CMYA5: variants seen among roughly 807,000 people sequenced by gnomAD.
CMYA5 encodes cardiomyopathy-associated protein 5.
A neutral mutation model predicts 318.9 loss-of-function variants in CMYA5; 246 were observed. That is an observed-to-expected ratio of 0.77 (90% CI 0.70 to 0.86). The LOEUF is 0.86. Among genes scored for constraint, CMYA5 ranks in the 40% least tolerant of loss-of-function variants. CMYA5 has a pLI of 0.00. For synonymous variants in CMYA5, 1,641 were observed against 1,729.5 expected (o/e 0.95, Z 1.27); for missense variants, 4,589 against 4,678.2 (o/e 0.98, Z 0.56).
intron 4 of CMYA5, 45 bp downstream of exon 4, chr5:79,745,500 G>A: frequency 8.3e-7 from 1 of 1,199,862 alleles, no homozygotes; most frequent in Non-Finnish European, 1.2e-6. Context: ...CGCCCACTCT[G>A]GCACATCTAC....
chr5:79,699,770 C>G (rs909666634), intron 1 of CMYA5, among the ~76,000 whole-genome samples: 2 of 152,206 alleles, frequency 1.3e-5, no homozygotes, highest in Non-Finnish European at 1.5e-5. Context: ...GAATCCGAAA[C>G]AGAAGGAGAA....
chr5:79,749,585 T>A (rs1370258759), intron 5 of CMYA5, among the ~76,000 whole-genome samples: 1 of 152,136 alleles, frequency 6.6e-6, no homozygotes, highest in Non-Finnish European at 1.5e-5. Context: ...AAGAAAATGT[T>A]AGGTATGTCA....
In CMYA5 at chr5:79,759,670, A is replaced by C. The variant is rs148296268; in HGVS notation, c.11260+768A>C. Among the ~76,000 whole-genome samples, 647 of 152,264 alleles carry C rather than the reference A, an allele frequency of 4.2e-3. 5 individuals carry two copies. The highest frequency in any genetic ancestry group is 0.013 in the African/African-American group (554 of 41,532). On this transcript the variant is annotated intron_variant, in intron 7 of 12. Transcript: ENST00000446378. ...TGCTGCCATTCTGTGTTGCTTGTTG[A>C]AGACAGACCCACATACTATGGAAAA...
chr5:79,786,582 G>C (rs1397962465), intron 9 of CMYA5, among the ~76,000 whole-genome samples: 1 of 152,126 alleles, frequency 6.6e-6, no homozygotes, highest in African/African-American at 2.4e-5. Flanking sequence ...TAAGTCATAT[G>C]GACTTAGTTA....
intron 7 of CMYA5, 77 bp from the exon 8 acceptor site, chr5:79,761,734 A>G: frequency 6.9e-7 from 1 of 1,441,340 alleles, no homozygotes; most frequent in African/African-American, 1.4e-5. Flanking sequence ...AGAAAATCAT[A>G]GATGACTTTC....
At chr5:79,721,047 G>A (rs1416806337) in intron 1 of CMYA5, among the ~76,000 whole-genome samples, 7 of 152,184 alleles carry the variant, frequency 4.6e-5, no homozygotes, top group Non-Finnish European at 1.0e-4. Flanking sequence ...CATGGTCTTT[G>A]TGTTGTCTGG....
chr5:79,786,022 ATC>A (rs1218334722), intron 9 of CMYA5, among the ~76,000 whole-genome samples: 1 of 152,212 alleles, frequency 6.6e-6, no homozygotes, highest in East Asian at 1.9e-4. Flanking sequence ...GAAAGAGACC[ATC>A]TCTCATTCGC....
At chr5:79,788,909 A>G (rs1447338773) in intron 9 of CMYA5, 62 bp from the exon 10 acceptor site, 2 of 1,507,110 alleles carry the variant, frequency 1.3e-6, no homozygotes, top group Admixed American at 1.8e-5. Flanking sequence ...TACCAAATTG[A>G]AATAGGAATC....
intron 7 of CMYA5, among the ~76,000 whole-genome samples, chr5:79,760,507 T>C (rs4703788): frequency 0.053 from 8,093 of 152,224 alleles, 421 homozygotes; most frequent in East Asian, 0.29. Flanking sequence ...GAGGAGGCCT[T>C]AGGAGACAGA....
chr5:79,758,705 A>G (rs1828582676), intron 6 of CMYA5, 48 bp from the exon 7 acceptor site: 1 of 1,495,162 alleles, frequency 6.7e-7, no homozygotes, highest in African/African-American at 1.4e-5. Context: ...GTGCCCAAAA[A>G]ATTAATAAAA....
At position 79,733,969 on chromosome 5, in the gene CMYA5, G is replaced by A. The variant is rs1827986273; in HGVS notation, c.5204G>A (p.Gly1735Glu). 1.9e-6 allele frequency: 3 copies of A among 1,613,582 alleles called. No individual in the cohort carries two copies. Among genetic ancestry groups the A allele is most frequent in the South Asian group, 2.2e-5 (2 of 91,074 alleles). Residue 1735 changes from glycine to glutamate, a missense_variant, in exon 2 of 13, where the codon GGA becomes GAA. Coordinates refer to ENST00000446378, the MANE Select transcript of CMYA5 (RefSeq NM_153610.5). ...GAACCACCTGCCTCTGTAGCTGAAG[G>A]AGGCAACCCAGAAGAATTTCAGCCA... ...SKEPPASVAE[G>E]GNPEEFQPFT... is the part of the protein sequence containing the mutation.
chr5:79,745,480 A>G (rs1172148633), intron 4 of CMYA5, 25 bp downstream of exon 4: 2 of 1,517,218 alleles, frequency 1.3e-6, no homozygotes, highest in Non-Finnish European at 1.8e-6. Context: ...AAATGGGCTC[A>G]AACACCTTGC....
chr5:79,759,307 C>T (rs1046400837), intron 7 of CMYA5, among the ~76,000 whole-genome samples: 1 of 152,156 alleles, frequency 6.6e-6, no homozygotes, highest in Admixed American at 6.5e-5. Flanking sequence ...GGGAAGAAGC[C>T]ATAGAGAGGA....
rs756214352 is a variant in CMYA5 at position 79,739,203 on chromosome 5, G to A, written c.10438G>A (p.Glu3480Lys). Residue 3480 changes from glutamate (E) to lysine (K), a missense_variant, in exon 2 of 13, where the codon GAG (glutamate) becomes AAG (lysine). By Grantham distance (56) the Glu-to-Lys change is moderately conservative. Around this residue, in one of 3 missense-constraint regions of CMYA5, gnomAD observed 2,431 missense variants for 2,495.1 expected, o/e 0.97. Transcript: ENST00000446378. ...ACAAAGTACACCTGCTGAACAAAAA[G>A]AGTTGGGCAGCGAGAGGAAAGAAGA... The part of the protein sequence containing the change: ...AEQSTPAEQK[E>K]LGSERKEEDQ... 3.7e-6 allele frequency: 6 copies of A among 1,613,280 alleles called. No individual in the cohort carries two copies. In the African/African-American group the frequency reaches 8.0e-5, roughly 22 times the overall value.
chr5:79,729,947 A>G lies in CMYA5; in HGVS notation c.1182A>G (p.Thr394=), dbSNP rs1476813445. The change falls in exon 2 of 13, where the codon ACA becomes ACG. Residue 394 remains threonine (T), a synonymous_variant. Coordinates refer to ENST00000446378, the MANE Select transcript of CMYA5 (RefSeq NM_153610.5). ...CTGCAACTATGTTCCTGAGAACAACAAAGGAAGAATGTGAGCTTGCTTCAC... is the reference window on the plus strand; with the variant it reads ...CTGCAACTATGTTCCTGAGAACAACGAAGGAAGAATGTGAGCTTGCTTCAC... ...DTPATMFLRT[T]KEECELASPG... 3.1e-6 allele frequency: 5 copies of G among 1,613,994 alleles called. No individual in the cohort carries two copies. Among genetic ancestry groups the G allele is most frequent in the Non-Finnish European group, 4.2e-6 (5 of 1,179,878 alleles).
At chr5:79,719,047 A>G (rs1827570624) in intron 1 of CMYA5, among the ~76,000 whole-genome samples, 1 of 150,354 alleles carries the variant, frequency 6.7e-6, no homozygotes, top group South Asian at 2.1e-4. Flanking sequence ...TGTTATACAA[A>G]CTTAACCTTC....
At chr5:79,763,268 C>A in intron 9 of CMYA5, 59 bp downstream of exon 9, 2 of 1,400,884 alleles carry the variant, frequency 1.4e-6, no homozygotes, top group Non-Finnish European at 9.6e-7. Context: ...GCTCTGGGTC[C>A]TAAACTACCC....
chr5:79,693,526 G>A (rs1366107054), intron 1 of CMYA5, among the ~76,000 whole-genome samples: 1 of 151,874 alleles, frequency 6.6e-6, no homozygotes, highest in Non-Finnish European at 1.5e-5. Context: ...ATTTTTATAA[G>A]AGACAGGGTT....
At chr5:79,703,744 T>C (rs888805845) in intron 1 of CMYA5, among the ~76,000 whole-genome samples, 2 of 152,240 alleles carry the variant, frequency 1.3e-5, no homozygotes, top group African/African-American at 4.8e-5. Context: ...TTTGGAGATC[T>C]AGTCAACTTT....
Sources: gnomAD v4.1 joint callset for allele counts (sites outside exome capture counted in the v4.1 genomes callset) on GRCh38, gnomAD v4.1.1 for gene constraint, gnomAD v4.1.1 regional missense constraint, MANE v1.5 for transcripts, NCBI Gene and HGNC (gene_info 2026-07-23, HGNC 2026-07-21) for gene names.